NPAS3: variants seen among roughly 807,000 people sequenced by gnomAD.
NPAS3 encodes the protein neuronal PAS domain-containing protein 3.
NPAS3 carries 14 observed loss-of-function variants against 73.1 expected under a neutral mutation model. The observed-to-expected ratio is 0.19, with a 90% CI of 0.13 to 0.30. The LOEUF is 0.30. NPAS3 is among the 10% of genes least tolerant of loss of function. The probability of loss-of-function intolerance (pLI) is 1.00; values close to 1 mark genes in which losing one functional copy is unlikely to be tolerated. For missense variants in NPAS3, 1,096 were observed against 1,250.0 expected, an observed-to-expected ratio of 0.88 and a Z score of 1.86; for synonymous variants, 620 against 541.5, an observed-to-expected ratio of 1.14 and a Z score of -2.01.
intron 2 of NPAS3, among the ~76,000 whole-genome samples, chr14:33,108,954 T>G (rs2042806266): frequency 6.6e-6 from 1 of 152,188 alleles, no homozygotes; most frequent in African/African-American, 2.4e-5. Flanking sequence ...AAGATCAAGT[T>G]AGAGTAAAAC....
intron 2 of NPAS3, among the ~76,000 whole-genome samples, chr14:33,131,139 A>C (rs1034283222): frequency 7.2e-5 from 11 of 152,072 alleles, no homozygotes; most frequent in African/African-American, 2.2e-4. Context: ...GTTCTGTGGG[A>C]GTTTACAGAG....
chr14:33,580,455 G>A (rs1171285870), intron 5 of NPAS3, among the ~76,000 whole-genome samples: 1 of 152,154 alleles, frequency 6.6e-6, no homozygotes, highest in East Asian at 1.9e-4. Context: ...GAGGCCAGAC[G>A]GCAGGTGTAT....
At chr14:33,554,114 A>G (rs1270285653) in intron 4 of NPAS3, among the ~76,000 whole-genome samples, 1 of 152,206 alleles carries the variant, frequency 6.6e-6, no homozygotes, top group Non-Finnish European at 1.5e-5. Flanking sequence ...GGCTTCTCAT[A>G]TGGCTCAAGG....
intron 4 of NPAS3, among the ~76,000 whole-genome samples, chr14:33,373,388 G>GTA (rs1566843092): frequency 2.8e-5 from 1 of 35,702 alleles, no homozygotes; most frequent in African/African-American, 1.0e-4. Context: ...TGAACTATAT[G>GTA]TGTGTGTGTG....
At chr14:33,166,006 G>T (rs544227200) in intron 2 of NPAS3, among the ~76,000 whole-genome samples, 1 of 152,280 alleles carries the variant, frequency 6.6e-6, no homozygotes, top group African/African-American at 2.4e-5. Context: ...GATGGTTAAA[G>T]TTGCTAGGTA....
chr14:33,207,727 C>A (rs1278231318), intron 2 of NPAS3, among the ~76,000 whole-genome samples: 2 of 152,116 alleles, frequency 1.3e-5, no homozygotes, highest in Non-Finnish European at 2.9e-5. Context: ...ATAGCATTTA[C>A]TATAATGAAG....
At chr14:33,055,749 T>TA (rs2040865710) in intron 1 of NPAS3, among the ~76,000 whole-genome samples, 156 bp from the exon 2 acceptor site, 1 of 152,282 alleles carries the variant, frequency 6.6e-6, no homozygotes, top group Non-Finnish European at 1.5e-5. Flanking sequence ...AAGTGGAAGT[T>TA]AATGTTCTAA....
intron 3 of NPAS3, among the ~76,000 whole-genome samples, chr14:33,233,490 A>C (rs1387649432): frequency 6.6e-6 from 1 of 152,156 alleles, no homozygotes; most frequent in Non-Finnish European, 1.5e-5. Context: ...ATTCATTTTA[A>C]TGTCACCGTT....
intron 3 of NPAS3, among the ~76,000 whole-genome samples, chr14:33,310,517 CT>C (rs964429520): frequency 6.6e-6 from 1 of 152,086 alleles, no homozygotes; most frequent in African/African-American, 2.4e-5. Flanking sequence ...ATGTTAAGTG[CT>C]TTTCACAGTC....
intron 7 of NPAS3, among the ~76,000 whole-genome samples, chr14:33,760,615 G>A (rs1367374549): frequency 1.3e-5 from 2 of 151,796 alleles, no homozygotes; most frequent in Non-Finnish European, 1.5e-5. Context: ...AAGTGTTATG[G>A]AAAAGCACAT....
At chr14:33,785,392 G>A (rs1029021582) in intron 9 of NPAS3, among the ~76,000 whole-genome samples, 6 of 138,088 alleles carry the variant, frequency 4.3e-5, no homozygotes, top group Non-Finnish European at 7.6e-5. Context: ...CCAAGATCAT[G>A]CCACTGCACT....
In NPAS3 at chr14:33,083,178, CAAAAAAAAAAAAAAA is replaced by C. The variant is rs57147759; in HGVS notation, c.140+27206_140+27220del. Among the ~76,000 whole-genome samples the C allele has an allele frequency of 7.7e-4, 50 of 65,014 alleles. 7 individuals are homozygous for C. Among genetic ancestry groups the C allele is most frequent in the Middle Eastern group, 0.029 (2 of 68 alleles). 42.7% of individuals were successfully genotyped at this position (65,014 alleles called of 152,430 possible). A position where few individuals can be genotyped will look rare whatever the true frequency, so the allele number is the denominator to read the frequency against. On this transcript the variant is annotated intron_variant, in intron 2 of 11. Transcript: ENST00000356141. ...AGCCTGGGTAATGGCGAGACTGTCTCAAAAAAAAAAAAAAAAAAAAAAAAAAAAAAAAAAAAGAAG... is the reference window on the plus strand; with the variant it reads ...AGCCTGGGTAATGGCGAGACTGTCTCAAAAAAAAAAAAAAAAAAAAAGAAG...
chr14:33,773,377 G>T (rs145335156), intron 7 of NPAS3, among the ~76,000 whole-genome samples: 1 of 152,276 alleles, frequency 6.6e-6, no homozygotes, highest in East Asian at 1.9e-4. Flanking sequence ...CAGAGTCGTG[G>T]GAACACAGCT....
intron 4 of NPAS3, among the ~76,000 whole-genome samples, chr14:33,484,804 T>C (rs1286531082): frequency 6.6e-6 from 1 of 152,158 alleles, no homozygotes; most frequent in East Asian, 1.9e-4. Context: ...CTGAGAGAAA[T>C]AAAGTCCAGG....
At chr14:33,560,597 C>T (rs2055595443) in intron 5 of NPAS3, among the ~76,000 whole-genome samples, 1 of 152,120 alleles carries the variant, frequency 6.6e-6, no homozygotes, top group African/African-American at 2.4e-5. Context: ...TGGGAGCTGA[C>T]ACAATGGCAG....
chr14:33,268,556 A>C (rs183839147), intron 3 of NPAS3, among the ~76,000 whole-genome samples: 16 of 151,948 alleles, frequency 1.1e-4, no homozygotes, highest in Admixed American at 5.9e-4. Context: ...TTTGCATTCA[A>C]ATGTAACCAC....
chr14:33,266,227 C>T (rs2040811247), intron 3 of NPAS3, among the ~76,000 whole-genome samples: 2 of 152,134 alleles, frequency 1.3e-5, no homozygotes, highest in South Asian at 4.1e-4. Flanking sequence ...GCACAATTTC[C>T]TTCCTTTTTA....
chr14:33,062,879 G>A (rs958701878), intron 2 of NPAS3, among the ~76,000 whole-genome samples: 1 of 152,206 alleles, frequency 6.6e-6, no homozygotes, highest in Non-Finnish European at 1.5e-5. Flanking sequence ...CTTCTTCTGT[G>A]TATTGAGTTT....
At chr14:33,312,259 G>A (rs958025434) in intron 3 of NPAS3, among the ~76,000 whole-genome samples, 2 of 151,996 alleles carry the variant, frequency 1.3e-5, no homozygotes, top group South Asian at 2.1e-4. Flanking sequence ...TTGTATGTAA[G>A]CATTGGTCCT....
Sources: allele counts gnomAD v4.1 joint callset (sites outside exome capture counted in the v4.1 genomes callset), GRCh38; gene constraint gnomAD v4.1.1; transcripts MANE v1.5; gene names NCBI Gene and HGNC (gene_info 2026-07-23, HGNC 2026-07-21).